Variants in LRRFIP2 observed in about 807,000 individuals in gnomAD.
LRRFIP2 encodes LRR binding FLII interacting protein 2, also known as leucine-rich repeat flightless-interacting protein 2.
LRRFIP2 carries 109 observed loss-of-function variants against 125.9 expected under a neutral mutation model. That is an observed-to-expected ratio of 0.87 (90% CI 0.74 to 1.01). LRRFIP2 has a LOEUF of 1.01. Among genes scored for constraint, LRRFIP2 ranks in the 50% least tolerant of loss-of-function variants. LRRFIP2 has a pLI of 0.00. For synonymous variants in LRRFIP2, 291 were observed against 293.1 expected (o/e 0.99, Z 0.07); for missense variants, 850 against 862.3 (o/e 0.99, Z 0.18).
At chr3:37,138,848 T>G (rs550942058) in intron 2 of LRRFIP2, among the ~76,000 whole-genome samples, 19 of 152,204 alleles carry the variant, frequency 1.2e-4, no homozygotes, top group Non-Finnish European at 1.9e-4. Context: ...TTTTTTTCCT[T>G]ACTAAGTTGA....
At chr3:37,158,459 T>C (rs990366696) in intron 1 of LRRFIP2, among the ~76,000 whole-genome samples, 3 of 151,164 alleles carry the variant, frequency 2.0e-5, no homozygotes, top group African/African-American at 7.3e-5. Flanking sequence ...ATACAAAAAA[T>C]AGCCAGGCAT....
intron 1 of LRRFIP2, among the ~76,000 whole-genome samples, chr3:37,164,295 A>G (rs1261195347): frequency 6.6e-6 from 1 of 152,242 alleles, no homozygotes; most frequent in Non-Finnish European, 1.5e-5. Context: ...TAAAATTTCA[A>G]AATTGGAATG....
chr3:37,127,552 ATTAG>A (rs1352142563), intron 4 of LRRFIP2, 74 bp downstream of exon 4: 2 of 1,430,588 alleles, frequency 1.4e-6, no homozygotes, highest in Admixed American at 3.4e-5. Context: ...TTTGCAAACT[ATTAG>A]TTAATGTTTT....
chr3:37,166,091 A>C (rs1354177806), intron 1 of LRRFIP2, among the ~76,000 whole-genome samples: 2 of 152,164 alleles, frequency 1.3e-5, no homozygotes. Context: ...GAATCCCAGC[A>C]CTTTGGAAGG....
At chr3:37,118,311 C>T (rs1351841885) in intron 6 of LRRFIP2, among the ~76,000 whole-genome samples, 1 of 152,200 alleles carries the variant, frequency 6.6e-6, no homozygotes, top group Non-Finnish European at 1.5e-5. Flanking sequence ...GATTCTGCTG[C>T]ATCAGCCTCC....
chr3:37,141,449 C>T (rs562239762), intron 2 of LRRFIP2, among the ~76,000 whole-genome samples: 86 of 152,310 alleles, frequency 5.6e-4, no homozygotes, highest in African/African-American at 1.8e-3. Context: ...AGCTGTTTTA[C>T]ACCCCGGTGT....
At chr3:37,128,045 C>T (rs909889607) in intron 3 of LRRFIP2, among the ~76,000 whole-genome samples, 5 of 152,220 alleles carry the variant, frequency 3.3e-5, no homozygotes, top group South Asian at 2.1e-4. Flanking sequence ...TTCAGCTTAT[C>T]CACTTATTAT....
At chr3:37,088,925 C>T (rs184542277) in intron 18 of LRRFIP2, among the ~76,000 whole-genome samples, 16 of 152,156 alleles carry the variant, frequency 1.1e-4, no homozygotes, top group South Asian at 2.1e-4. Flanking sequence ...CTTGACCACG[C>T]GCCCTCCAGA....
intron 15 of LRRFIP2, among the ~76,000 whole-genome samples, chr3:37,100,345 T>C (rs1420734352): frequency 6.6e-6 from 1 of 151,496 alleles, no homozygotes; most frequent in Non-Finnish European, 1.5e-5. Flanking sequence ...TATATGTATG[T>C]ATGCGTATAT....
intron 15 of LRRFIP2, among the ~76,000 whole-genome samples, chr3:37,097,810 A>G (rs2093802030): frequency 6.6e-6 from 1 of 152,136 alleles, no homozygotes; most frequent in Non-Finnish European, 1.5e-5. Flanking sequence ...GCTGAATCCA[A>G]CCCTTAGTTT....
intron 14 of LRRFIP2, 110 bp from the exon 15 acceptor site, chr3:37,103,123 A>C: frequency 1.4e-6 from 1 of 690,630 alleles, no homozygotes. Context: ...GATGGGTGAT[A>C]AAGTACCAAG....
At chr3:37,138,572 G>C (rs534258318) in intron 2 of LRRFIP2, among the ~76,000 whole-genome samples, 1 of 152,248 alleles carries the variant, frequency 6.6e-6, no homozygotes, top group Admixed American at 6.5e-5. Flanking sequence ...ATCCAAGTAA[G>C]TTCCAAGTCC....
intron 1 of LRRFIP2, among the ~76,000 whole-genome samples, chr3:37,166,990 G>C (rs922477893): frequency 1.3e-5 from 2 of 151,770 alleles, no homozygotes; most frequent in African/African-American, 4.8e-5. Context: ...ACTCCAGCCT[G>C]GGCAACAAGG....
At chr3:37,154,035 C>A in intron 1 of LRRFIP2, among the ~76,000 whole-genome samples, 1 of 133,098 alleles carries the variant, frequency 7.5e-6, no homozygotes, top group African/African-American at 2.8e-5. Flanking sequence ...ATTATCCAGA[C>A]ATGTTGACGA....
At chr3:37,074,964 C>A in intron 20 of LRRFIP2, 60 bp downstream of exon 20, 1 of 1,109,908 alleles carries the variant, frequency 9.0e-7, no homozygotes, top group South Asian at 1.2e-5. Flanking sequence ...CCAACACATC[C>A]TCATCCCATT....
chr3:37,085,318 T>G (rs1001486442), intron 18 of LRRFIP2, among the ~76,000 whole-genome samples: 2 of 151,970 alleles, frequency 1.3e-5, no homozygotes, highest in Non-Finnish European at 2.9e-5. Context: ...AAGACCAGCT[T>G]GACCAACATG....
intron 19 of LRRFIP2, among the ~76,000 whole-genome samples, chr3:37,080,546 A>G (rs996371825): frequency 6.6e-6 from 1 of 152,126 alleles, no homozygotes; most frequent in African/African-American, 2.4e-5. Context: ...TCAGCCACAC[A>G]TCTGGGCCTC....
intron 14 of LRRFIP2, among the ~76,000 whole-genome samples, chr3:37,104,230 A>G (rs2094207584): frequency 6.6e-6 from 1 of 152,194 alleles, no homozygotes; most frequent in Non-Finnish European, 1.5e-5. Flanking sequence ...CATATATTAA[A>G]CCTACCTACA....
chr3:37,080,357 T>C (rs927585225), intron 19 of LRRFIP2, among the ~76,000 whole-genome samples: 3 of 151,448 alleles, frequency 2.0e-5, no homozygotes, highest in East Asian at 1.9e-4. Flanking sequence ...GATTGCGCCA[T>C]TGCACTCCAC....
Sources: gnomAD v4.1 joint callset for allele counts (sites outside exome capture counted in the v4.1 genomes callset) on GRCh38, gnomAD v4.1.1 for gene constraint, MANE v1.5 for transcripts, NCBI Gene and HGNC (gene_info 2026-07-23, HGNC 2026-07-21) for gene names.